Variants in NEGR1 observed in about 807,000 individuals in gnomAD.
NEGR1 encodes the protein neuronal growth regulator 1.
A neutral mutation model predicts 40.9 loss-of-function variants in NEGR1; 10 were observed. The ratio of observed to expected loss-of-function variants is 0.24; its 90% CI spans 0.15 to 0.42. The LOEUF is 0.42. NEGR1 is among the 10% of genes least tolerant of loss of function. The pLI, the probability that NEGR1 is intolerant of heterozygous loss-of-function variation, is 1.00. For missense variants in NEGR1, 352 were observed against 438.9 expected, an observed-to-expected ratio of 0.80 and a Z score of 1.77; for synonymous variants, 185 against 166.8, an observed-to-expected ratio of 1.11 and a Z score of -0.84.
chr1:71,798,791 C>T lies in NEGR1; in HGVS notation c.410-22494G>A, dbSNP rs140245135. The stretch of plus-strand genomic sequence containing the variant: ...AAGAGAAACATATTTCGTGGAGAAA[C>T]CTTAGCTCCTCACAGAGCTGAGTAA... On this transcript the variant is annotated intron_variant, in intron 2 of 6. Transcript: ENST00000357731. Among the ~76,000 whole-genome samples the T allele has an allele frequency of 1.7e-3, 252 of 152,178 alleles. 3 individuals carry two copies. The East Asian group carries it at 0.031, about 19-fold the overall frequency.
chr1:71,953,542 C>T (rs1646091341), intron 1 of NEGR1, among the ~76,000 whole-genome samples: 1 of 151,920 alleles, frequency 6.6e-6, no homozygotes, highest in Admixed American at 6.6e-5. Flanking sequence ...AAAACAACAA[C>T]AGGATTTGAG....
At chr1:71,982,786 T>G (rs1358246919) in intron 1 of NEGR1, among the ~76,000 whole-genome samples, 1 of 152,114 alleles carries the variant, frequency 6.6e-6, no homozygotes, top group Non-Finnish European at 1.5e-5. Flanking sequence ...AACATTAATT[T>G]AGGAAGATAT....
chr1:71,592,735 C>A (rs770404009), intron 6 of NEGR1, 82 bp downstream of exon 6: 119 of 1,073,218 alleles, frequency 1.1e-4, no homozygotes, highest in Non-Finnish European at 1.5e-4. Flanking sequence ...AATGAACGTA[C>A]TCCATTCTTA....
intron 1 of NEGR1, among the ~76,000 whole-genome samples, chr1:72,257,183 G>A (rs1255255044): frequency 6.6e-6 from 1 of 151,100 alleles, no homozygotes; most frequent in South Asian, 2.1e-4. Context: ...TTAGCCGGGC[G>A]TAGTGGCGGG....
intron 6 of NEGR1, among the ~76,000 whole-genome samples, chr1:71,589,924 T>A (rs1430096984): frequency 6.6e-6 from 1 of 152,124 alleles, no homozygotes; most frequent in Non-Finnish European, 1.5e-5. Context: ...TCGTGTCAAC[T>A]TGTCTACCCT....
At chr1:71,794,051 G>A (rs1334927188) in intron 2 of NEGR1, among the ~76,000 whole-genome samples, 1 of 152,008 alleles carries the variant, frequency 6.6e-6, no homozygotes, top group Non-Finnish European at 1.5e-5. Context: ...ATAAGATTTA[G>A]AAATAAGTTA....
intron 3 of NEGR1, among the ~76,000 whole-genome samples, chr1:71,724,793 C>T (rs1296541710): frequency 1.3e-5 from 2 of 151,962 alleles, no homozygotes; most frequent in Admixed American, 1.3e-4. Context: ...CAGGGAATAC[C>T]CTCAGCATCT....
At chr1:71,447,844 T>C (rs1646593572) in intron 6 of NEGR1, among the ~76,000 whole-genome samples, 1 of 152,234 alleles carries the variant, frequency 6.6e-6, no homozygotes, top group African/African-American at 2.4e-5. Context: ...AATATTTTTT[T>C]CTGTAAGTCC....
chr1:71,562,064 C>G lies in NEGR1; in HGVS notation c.940+30753G>C, dbSNP rs576388053. On this transcript the variant is annotated intron_variant, in intron 6 of 6. Coordinates refer to ENST00000357731, the MANE Select transcript of NEGR1 (RefSeq NM_173808.3). ...AATCAAGTGGAGGCATGAAGATCCG[C>G]TAATAATGACTTATTAAAGTTCTTT... is the stretch of plus-strand genomic sequence containing the variant. Among the ~76,000 whole-genome samples, 67 of 151,396 alleles carry G rather than the reference C, an allele frequency of 4.4e-4. 1 individual carries two copies. The highest frequency in any genetic ancestry group is 1.5e-5 in the Non-Finnish European group (1 of 67,724).
intron 2 of NEGR1, among the ~76,000 whole-genome samples, chr1:71,824,342 G>A (rs1465347915): frequency 6.6e-6 from 1 of 151,124 alleles, no homozygotes; most frequent in Non-Finnish European, 1.5e-5. Context: ...ACATTGTGAA[G>A]GAGAGATAAG....
intron 2 of NEGR1, among the ~76,000 whole-genome samples, chr1:71,934,236 G>T (rs1374067404): frequency 6.6e-6 from 1 of 151,914 alleles, no homozygotes; most frequent in African/African-American, 2.4e-5. Context: ...AAAAATAAAC[G>T]TTTTCCATTC....
At chr1:72,085,579 A>G (rs930930533) in intron 1 of NEGR1, among the ~76,000 whole-genome samples, 3 of 152,264 alleles carry the variant, frequency 2.0e-5, no homozygotes, top group Admixed American at 6.5e-5. Context: ...CATATTCCCT[A>G]TTATGTAATG....
chr1:71,990,918 A>ATTTTTT (rs57277556), intron 1 of NEGR1, among the ~76,000 whole-genome samples: 8 of 104,206 alleles, frequency 7.7e-5, no homozygotes, highest in African/African-American at 2.2e-4. Context: ...ATATATATAT[A>ATTTTTT]TTTTTTTTTT....
At chr1:71,628,518 A>T (rs1650862589) in intron 4 of NEGR1, among the ~76,000 whole-genome samples, 1 of 151,930 alleles carries the variant, frequency 6.6e-6, no homozygotes, top group African/African-American at 2.4e-5. Flanking sequence ...GCACCCGTCA[A>T]CCCATCATCT....
chr1:71,467,665 G>A (rs1342419791), intron 6 of NEGR1, among the ~76,000 whole-genome samples: 2 of 151,854 alleles, frequency 1.3e-5, no homozygotes, highest in African/African-American at 4.8e-5. Flanking sequence ...AATTTCAACT[G>A]AGGATGAAAC....
chr1:72,204,743 A>T (rs553369444), intron 1 of NEGR1, among the ~76,000 whole-genome samples: 1 of 152,318 alleles, frequency 6.6e-6, no homozygotes, highest in South Asian at 2.1e-4. Flanking sequence ...ACTCATGTTT[A>T]CTTCAAATCC....
chr1:71,989,717 T>C (rs957809793), intron 1 of NEGR1, among the ~76,000 whole-genome samples: 2 of 152,216 alleles, frequency 1.3e-5, no homozygotes, highest in African/African-American at 4.8e-5. Flanking sequence ...AATTGGTCAG[T>C]ATATTTCTAA....
chr1:72,220,918 T>TG (rs2100481923), intron 1 of NEGR1, among the ~76,000 whole-genome samples: 1 of 150,876 alleles, frequency 6.6e-6, no homozygotes, highest in East Asian at 2.0e-4. Flanking sequence ...CCTAAAGTTT[T>TG]TTTTTTTTTT....
At chr1:72,057,054 C>A (rs529270614) in intron 1 of NEGR1, among the ~76,000 whole-genome samples, 1 of 151,588 alleles carries the variant, frequency 6.6e-6, no homozygotes, top group Non-Finnish European at 1.5e-5. Context: ...GTTTTAGAAG[C>A]TCTTTCTTTC....
Sources: gnomAD v4.1 joint callset for allele counts (sites outside exome capture counted in the v4.1 genomes callset) on GRCh38, gnomAD v4.1.1 for gene constraint, MANE v1.5 for transcripts, NCBI Gene and HGNC (gene_info 2026-07-23, HGNC 2026-07-21) for gene names.